Variants in ANKRD30A observed in about 807,000 individuals in gnomAD.
ANKRD30A encodes ankyrin repeat domain 30A, also known as ankyrin repeat domain-containing protein 30A.
Under a neutral mutation model 166.3 loss-of-function variants are expected in ANKRD30A, and 170 were observed. The ratio of observed to expected loss-of-function variants is 1.02; its 90% CI spans 0.90 to 1.16. The LOEUF is 1.16. ANKRD30A is among the 50% of genes most tolerant of loss of function. The pLI is 0.00. For missense variants in ANKRD30A, 1,630 were observed against 1,518.0 expected, an observed-to-expected ratio of 1.07 and a Z score of -1.23; for synonymous variants, 564 against 508.9, an observed-to-expected ratio of 1.11 and a Z score of -1.46.
intron 15 of ANKRD30A, among the ~76,000 whole-genome samples, chr10:37,159,004 C>G (rs1838613357): frequency 6.6e-6 from 1 of 152,070 alleles, no homozygotes; most frequent in South Asian, 2.1e-4. Flanking sequence ...TTAAGAAAAT[C>G]AGCTTTTTTT....
intron 19 of ANKRD30A, 139 bp downstream of exon 19, chr10:37,166,834 G>A: frequency 1.4e-6 from 2 of 1,409,432 alleles, no homozygotes; most frequent in Non-Finnish European, 1.9e-6. Flanking sequence ...ATGGTCATAA[G>A]TTATGTGTCT....
intron 1 of ANKRD30A, among the ~76,000 whole-genome samples, chr10:37,128,540 T>C (rs990628479): frequency 8.5e-5 from 13 of 152,124 alleles, no homozygotes; most frequent in African/African-American, 2.9e-4. Flanking sequence ...ATCATTTTAG[T>C]GTAGTTTTAT....
chr10:37,197,456 A>T lies in ANKRD30A; in HGVS notation c.2692A>T (p.Lys898Ter). The T allele has an allele frequency of 6.2e-7, 1 of 1,612,526 alleles. No individual in the cohort carries two copies. The highest frequency in any genetic ancestry group is 8.5e-7 in the Non-Finnish European group (1 of 1,179,698). ...TGTTCCAAATAAAGCCTTGGAATTG[A>T]AGAATGAACAAACATTGAGAGCAGG... is the stretch of plus-strand genomic sequence containing the variant. ...KSVPNKALEL[K>*]NEQTLRADQM... is the part of the protein sequence containing the mutation. Residue 898 changes from lysine (K) to a stop codon, truncating the protein, a stop_gained, in exon 29 of 36, where the codon AAG becomes TAG. Coordinates refer to ENST00000361713, the MANE Select transcript of ANKRD30A (RefSeq NM_052997.3). LOFTEE classifies it high-confidence loss of function.
chr10:37,142,441 C>T, intron 7 of ANKRD30A, 151 bp downstream of exon 7: 1 of 690,334 alleles, frequency 1.4e-6, no homozygotes, highest in Non-Finnish European at 2.3e-6. Flanking sequence ...ATAAGTAGCT[C>T]TTATTCTGTA....
chr10:37,217,790 G>A lies in ANKRD30A; in HGVS notation c.3179G>A (p.Arg1060Lys), dbSNP rs200399695. 2 of 1,600,386 alleles carry A rather than the reference G, an allele frequency of 1.2e-6. No individual in the cohort carries two copies. The highest frequency in any genetic ancestry group is 1.1e-5 in the South Asian group (1 of 89,560). The change falls in exon 33 of 36, where the codon AGG becomes AAG. Residue 1060 changes from arginine to lysine, a missense_variant. Physicochemically the swap from Arg to Lys is conservative, Grantham distance 26. This residue lies in a region of ANKRD30A where 712 missense variants were observed against 629.3 expected (regional missense o/e 1.13). Transcript: ENST00000361713. ...TTAGGAAGAATCGAAGAGCAGCATA[G>A]GAAAGAGTTAGAAGTGAAACAACAA... is the stretch of plus-strand genomic sequence containing the variant. ...EELGRIEEQHRKELEVKQQLE... is the reference protein window; with the variant it reads ...EELGRIEEQHKKELEVKQQLE...
At chr10:37,143,199 A>G (rs1837273182) in intron 7 of ANKRD30A, among the ~76,000 whole-genome samples, 1 of 152,216 alleles carries the variant, frequency 6.6e-6, no homozygotes, top group Admixed American at 6.5e-5. Flanking sequence ...AGCAAGAAAG[A>G]AAAAATAATG....
Position 37,201,287 on chromosome 10 carries a change from A to G in ANKRD30A, c.2831A>G (p.His944Arg), listed in dbSNP as rs775761281. The G allele has an allele frequency of 8.1e-6, 13 of 1,595,970 alleles. No homozygotes were observed. Among genetic ancestry groups the G allele is most frequent in the South Asian group, 1.1e-5 (1 of 88,142 alleles). Residue 944 changes from histidine (H) to arginine (R), a missense_variant, in exon 31 of 36, where the codon CAT (histidine) becomes CGT (arginine). Coordinates refer to ENST00000361713, the MANE Select transcript of ANKRD30A (RefSeq NM_052997.3). ...QKDVCVPKAT[H>R]QKEMDKISGK... Reference sequence around the variant, plus strand: ...GATGTGTGTGTACCCAAGGCTACACATCAAAAAGAAATGGATAAAATAAGT... The same window carrying G: ...GATGTGTGTGTACCCAAGGCTACACGTCAAAAAGAAATGGATAAAATAAGT...
chr10:37,161,112 G>A (rs1026932262), intron 15 of ANKRD30A, among the ~76,000 whole-genome samples: 2 of 152,162 alleles, frequency 1.3e-5, no homozygotes, highest in Non-Finnish European at 2.9e-5. Context: ...AAATTAGTCG[G>A]ACGTGGTGGC....
chr10:37,245,263 A>G, the ANKRD30A span, among the ~76,000 whole-genome samples: 1 of 151,948 alleles, frequency 6.6e-6, no homozygotes, highest in African/African-American at 2.4e-5. Flanking sequence ...AATAAAGTTG[A>G]TATTTTGTGT....
At chr10:37,245,055 A>G in the ANKRD30A span, among the ~76,000 whole-genome samples, 1 of 152,306 alleles carries the variant, frequency 6.6e-6, no homozygotes, top group African/African-American at 2.4e-5. Context: ...TTGAGTTAAT[A>G]ATTTGGGCAG....
the ANKRD30A span, among the ~76,000 whole-genome samples, chr10:37,258,285 C>G: frequency 2.6e-5 from 4 of 152,036 alleles, no homozygotes; most frequent in African/African-American, 9.7e-5. Context: ...TGAAAATTGA[C>G]AAGCTAATTT....
At position 37,126,012 on chromosome 10, in the gene ANKRD30A, C is replaced by A; in HGVS notation, c.221+4C>A. Reference sequence around the variant, plus strand: ...ATATACAAGACGCCCAGAAGAGGTACCAGGCCCTGCCTGAGCCGGGGCTGC... The same window carrying A: ...ATATACAAGACGCCCAGAAGAGGTAACAGGCCCTGCCTGAGCCGGGGCTGC... On this transcript the variant is annotated splice_donor_region_variant and intron_variant, in intron 1 of 35. Transcript: ENST00000361713. The A allele has an allele frequency of 1.2e-6, 2 of 1,612,022 alleles. No individual in the cohort carries two copies. The highest frequency in any genetic ancestry group is 2.2e-5 in the South Asian group (2 of 90,996).
the ANKRD30A span, among the ~76,000 whole-genome samples, chr10:37,245,456 A>C: frequency 6.6e-6 from 1 of 152,288 alleles, no homozygotes; most frequent in Admixed American, 6.5e-5. Context: ...ATGTTGAATA[A>C]ATGTGGGTAC....
intron 31 of ANKRD30A, among the ~76,000 whole-genome samples, chr10:37,208,787 G>A (rs1002188053): frequency 2.0e-5 from 3 of 152,120 alleles, no homozygotes; most frequent in Non-Finnish European, 4.4e-5. Flanking sequence ...TCTCAAGCAA[G>A]TGAAAGTAAA....
intron 29 of ANKRD30A, among the ~76,000 whole-genome samples, chr10:37,199,162 A>C (rs1161587298): frequency 6.6e-6 from 1 of 152,120 alleles, no homozygotes. Context: ...TTTTAAGCTT[A>C]TCTTCCTAAA....
the ANKRD30A span, among the ~76,000 whole-genome samples, chr10:37,242,871 G>C: frequency 1.3e-5 from 2 of 152,140 alleles, no homozygotes; most frequent in Admixed American, 1.3e-4. Flanking sequence ...TACTATAGCA[G>C]TACAATACAT....
At chr10:37,143,805 A>C (rs1457827194) in intron 7 of ANKRD30A, among the ~76,000 whole-genome samples, 6 of 152,250 alleles carry the variant, frequency 3.9e-5, no homozygotes, top group African/African-American at 1.2e-4. Flanking sequence ...TGGTAAGCTG[A>C]ATTTGGCCTG....
intron 24 of ANKRD30A, among the ~76,000 whole-genome samples, chr10:37,179,033 TA>T (rs1839970418): frequency 5.6e-5 from 3 of 53,896 alleles, no homozygotes; most frequent in African/African-American, 1.0e-4. Context: ...TATATATATA[TA>T]TATATATATA....
chr10:37,218,564 G>T (rs1842717604), intron 33 of ANKRD30A, among the ~76,000 whole-genome samples: 1 of 150,958 alleles, frequency 6.6e-6, no homozygotes, highest in Admixed American at 6.6e-5. Flanking sequence ...AACTGAAAGA[G>T]CTCTGGGAAA....
Sources: gnomAD v4.1 joint callset for allele counts (sites outside exome capture counted in the v4.1 genomes callset) on GRCh38, gnomAD v4.1.1 for gene constraint, gnomAD v4.1.1 regional missense constraint, MANE v1.5 for transcripts, NCBI Gene and HGNC (gene_info 2026-07-23, HGNC 2026-07-21) for gene names.